Variants in USP34 observed in about 807,000 individuals in gnomAD.
USP34 encodes the protein ubiquitin carboxyl-terminal hydrolase 34.
USP34 carries 70 observed loss-of-function variants against 460.3 expected under a neutral mutation model. The observed-to-expected ratio is 0.15, with a 90% CI of 0.13 to 0.19. The LOEUF (loss-of-function observed/expected upper bound fraction) is 0.19. Among genes scored for constraint, USP34 ranks in the 10% least tolerant of loss-of-function variants. The pLI, the probability that USP34 is intolerant of heterozygous loss-of-function variation, is 1.00. For missense variants in USP34, 3,985 were observed against 4,236.2 expected, an observed-to-expected ratio of 0.94 and a Z score of 1.65; for synonymous variants, 1,647 against 1,405.3, an observed-to-expected ratio of 1.17 and a Z score of -3.85.
intron 33 of USP34, among the ~76,000 whole-genome samples, chr2:61,292,739 TG>T (rs1463790176): frequency 6.6e-6 from 1 of 152,172 alleles, no homozygotes; most frequent in Non-Finnish European, 1.5e-5. Context: ...ACTGCTTTGA[TG>T]GAAGAAAATG....
At chr2:61,365,331 A>G (rs77754217) in intron 10 of USP34, among the ~76,000 whole-genome samples, 8 of 151,826 alleles carry the variant, frequency 5.3e-5, no homozygotes, top group East Asian at 1.9e-4. Context: ...GTGTGTGTAT[A>G]TATGTATGTA....
intron 5 of USP34, among the ~76,000 whole-genome samples, chr2:61,389,495 A>G (rs1474716374): frequency 6.6e-6 from 1 of 152,334 alleles, no homozygotes; most frequent in East Asian, 1.9e-4. Context: ...TCAATACAAG[A>G]AAAAATTTTA....
chr2:61,370,559 G>C lies in USP34; in HGVS notation c.1097C>G (p.Ala366Gly), dbSNP rs746605254. Residue 366 changes from alanine to glycine, a missense_variant, in exon 9 of 80, where the codon GCA becomes GGA. By Grantham distance (60) the Ala-to-Gly change is moderately conservative. Coordinates refer to ENST00000398571, the MANE Select transcript of USP34 (RefSeq NM_014709.4). ...DTETSIAKEL[A>G]DWLISNNVVE... ...CACATTGTTGCTAATAAGCCAGTCTGCAAGTTCTTTTGCAATGGACCTAAA... is the reference window on the plus strand; with the variant it reads ...CACATTGTTGCTAATAAGCCAGTCTCCAAGTTCTTTTGCAATGGACCTAAA... 5.0e-6 allele frequency: 8 copies of C among 1,613,478 alleles called. No homozygotes were observed. Among genetic ancestry groups the C allele is most frequent in the Non-Finnish European group, 8.5e-7 (1 of 1,179,884 alleles).
chr2:61,311,602 T>C lies in USP34; in HGVS notation c.3755A>G (p.Gln1252Arg). Residue 1252 changes from glutamine to arginine, a missense_variant, in exon 27 of 80, where the codon CAA becomes CGA. Transcript: ENST00000398571. ...THWYENLQKE[Q>R]INQQAQLQEF... The stretch of plus-strand genomic sequence containing the variant: ...CTGAAGCTGAGCTTGTTGATTTATT[T>C]GTTCTTTCTGTAAATTTTCATACCA... 1.2e-6 allele frequency: 2 copies of C among 1,613,756 alleles called. No individual in the cohort carries two copies. Among genetic ancestry groups the C allele is most frequent in the Non-Finnish European group, 1.7e-6 (2 of 1,179,888 alleles).
rs79669039 is a variant in USP34, at chr2:61,401,715, A to ATT, written c.552+3991_552+3992dup. On this transcript the variant is annotated intron_variant, in intron 3 of 79. Transcript: ENST00000398571. ...AGGCACCCGCTACCACGCCCTGCTA[A>ATT]TTTTTTTTTTTTTTTTGTATTTTTA... Among the ~76,000 whole-genome samples, 709 of 133,808 alleles carry ATT rather than the reference A, an allele frequency of 5.3e-3. 5 individuals are homozygous for ATT. The highest frequency in any genetic ancestry group is 0.019 in the South Asian group (76 of 3,974). 87.8% of individuals were successfully genotyped at this position (133,808 alleles called of 152,430 possible).
intron 5 of USP34, 122 bp downstream of exon 5, chr2:61,394,730 CA>C: frequency 1.4e-6 from 1 of 713,206 alleles, no homozygotes; most frequent in African/African-American, 1.9e-5. Context: ...CTCATTTTGT[CA>C]AAATAAAAAA....
At chr2:61,387,106 C>CA (rs879588406) in intron 5 of USP34, among the ~76,000 whole-genome samples, 5 of 151,470 alleles carry the variant, frequency 3.3e-5, no homozygotes, top group Admixed American at 6.6e-5. Context: ...AGGTACTTCG[C>CA]AAAAAAAATC....
At chr2:61,246,261 CT>C in intron 50 of USP34, 62 bp downstream of exon 50, 1 of 1,318,086 alleles carries the variant, frequency 7.6e-7, no homozygotes, top group Non-Finnish European at 9.9e-7. Flanking sequence ...AAACTAAACA[CT>C]GAAAACATAT....
chr2:61,214,828 T>G (rs2103793791), intron 67 of USP34, 134 bp from the exon 68 acceptor site: 1 of 1,046,460 alleles, frequency 9.6e-7, no homozygotes, highest in Non-Finnish European at 1.3e-6. Context: ...TCTCTTTTAG[T>G]ATCTTTCTGC....
chr2:61,452,166 T>G (rs1695298845), intron 1 of USP34, among the ~76,000 whole-genome samples: 1 of 144,452 alleles, frequency 6.9e-6, no homozygotes, highest in Non-Finnish European at 1.5e-5. Context: ...AGAGCGAGAC[T>G]CCGTCTCAAA....
chr2:61,356,474 C>CGT (rs1254116696), intron 10 of USP34, among the ~76,000 whole-genome samples: 5 of 117,204 alleles, frequency 4.3e-5, no homozygotes, highest in East Asian at 3.2e-4. Context: ...TGGGTGAAAG[C>CGT]GCACACACAC....
rs114204281 is a variant in USP34, at chr2:61,354,437, G to A, written c.1252-3744C>T. 5.9e-3 allele frequency among the ~76,000 whole-genome samples: 900 copies of A among 152,232 alleles called. 9 individuals are homozygous for A. Among genetic ancestry groups the A allele is most frequent in the African/African-American group, 0.021 (858 of 41,540 alleles). On this transcript the variant is annotated intron_variant, in intron 10 of 79. Coordinates refer to ENST00000398571, the MANE Select transcript of USP34 (RefSeq NM_014709.4). ...AATTAGGGTTGAAATTAAGACATTC[G>A]CAGAAAAAAGCTGAAGGAGTTTGTG... is the stretch of plus-strand genomic sequence containing the variant.
Position 61,311,914 on chromosome 2 carries a change from A to C in USP34, c.3543-4T>G. On this transcript the variant is annotated splice_polypyrimidine_tract_variant and splice_region_variant and intron_variant, in intron 25 of 79. Transcript: ENST00000398571. ...CTGTCTCAGATGATATGCAAACCTA[A>C]AACATGACACAAACAACACATAGAA... The C allele has an allele frequency of 1.9e-6, 3 of 1,611,194 alleles. No homozygotes were observed. Among genetic ancestry groups the C allele is most frequent in the Non-Finnish European group, 2.5e-6 (3 of 1,179,334 alleles).
At chr2:61,323,268 T>G (rs774602352) in intron 21 of USP34, among the ~76,000 whole-genome samples, 1 of 152,070 alleles carries the variant, frequency 6.6e-6, no homozygotes, top group South Asian at 2.1e-4. Context: ...TCCCACCACT[T>G]TGGGAGGCCG....
intron 1 of USP34, among the ~76,000 whole-genome samples, chr2:61,455,334 A>G (rs989023602): frequency 6.6e-6 from 1 of 151,944 alleles, no homozygotes; most frequent in Admixed American, 6.6e-5. Flanking sequence ...GTGTGCCACC[A>G]TGCCCAACTA....
intron 69 of USP34, among the ~76,000 whole-genome samples, chr2:61,211,511 C>T (rs1340112239): frequency 6.6e-6 from 1 of 152,112 alleles, no homozygotes; most frequent in Non-Finnish European, 1.5e-5. Context: ...GGATAAATTG[C>T]CATAAACAAG....
At chr2:61,294,782 A>T (rs1205427749) in intron 32 of USP34, among the ~76,000 whole-genome samples, 167 bp downstream of exon 32, 1 of 152,208 alleles carries the variant, frequency 6.6e-6, no homozygotes, top group African/African-American at 2.4e-5. Context: ...GGCATTAAAT[A>T]ATCTCAGTTT....
At chr2:61,371,653 A>G (rs563343524) in intron 8 of USP34, among the ~76,000 whole-genome samples, 1 of 152,334 alleles carries the variant, frequency 6.6e-6, no homozygotes, top group African/African-American at 2.4e-5. Context: ...TAATTTGTAT[A>G]GCCTAAGTGT....
intron 2 of USP34, among the ~76,000 whole-genome samples, chr2:61,413,910 A>C (rs538993738): frequency 6.6e-6 from 1 of 150,896 alleles, no homozygotes; most frequent in African/African-American, 2.4e-5. Flanking sequence ...CATCCTGGCG[A>C]TACAGTGAGA....
Sources: allele counts gnomAD v4.1 joint callset (sites outside exome capture counted in the v4.1 genomes callset), GRCh38; gene constraint gnomAD v4.1.1; transcripts MANE v1.5; gene names NCBI Gene and HGNC (gene_info 2026-07-23, HGNC 2026-07-21).